The following MPV17L variants were observed in gnomAD, a reference collection of about 807,000 sequenced individuals.
The protein encoded by MPV17L is MPV17 mitochondrial inner membrane protein like.
A neutral mutation model predicts 25.8 loss-of-function variants in MPV17L; 24 were observed. The observed-to-expected ratio is 0.93, with a 90% CI of 0.67 to 1.31. The LOEUF is 1.31. MPV17L is among the 50% of genes most tolerant of loss of function. The pLI, the probability that MPV17L is intolerant of heterozygous loss-of-function variation, is 0.00. For synonymous variants in MPV17L, 102 were observed against 115.3 expected, an observed-to-expected ratio of 0.88 and a Z score of 0.74; for missense variants, 250 against 265.6, an observed-to-expected ratio of 0.94 and a Z score of 0.41.
rs185583699 is a variant in MPV17L at position 15,402,908 on chromosome 16, T to C, written c.381+2051T>C. On this transcript the variant is annotated intron_variant, in intron 2 of 3. Transcript: ENST00000396385. ...GTTGGCCAGGTTGGTCTTGAACTCC[T>C]GACCTCAGGTGATCCGCCTCCCTCA... is the stretch of plus-strand genomic sequence containing the variant. 4.2e-4 allele frequency among the ~76,000 whole-genome samples: 64 copies of C among 152,232 alleles called. No individual in the cohort carries two copies. The East Asian group carries it at 7.9e-3, about 19-fold the overall frequency.
At chr16:15,405,045 C>T (rs1206432141) in intron 2 of MPV17L, among the ~76,000 whole-genome samples, 2 of 152,112 alleles carry the variant, frequency 1.3e-5, no homozygotes, top group African/African-American at 4.8e-5. Flanking sequence ...TTCTCCTTTA[C>T]TTCTTTCTTA....
intron 1 of MPV17L, chr16:15,399,304 C>A (rs1016964524): frequency 2.4e-6 from 1 of 411,664 alleles, no homozygotes; most frequent in Non-Finnish European, 4.8e-6. Flanking sequence ...ATATTCCCTC[C>A]CTCCTAATCA....
Position 15,413,056 on chromosome 16 carries a change from T to C in MPV17L, c.*4944T>C, listed in dbSNP as rs2050748804. ...AAATGTTATGTGAATTTCTACAGAA[T>C]GTTTGCTAGAATGAATTATATCTAG... On this transcript the variant is annotated 3_prime_UTR_variant, in exon 4 of 4. Transcript: ENST00000396385. The C allele has an allele frequency of 6.6e-6, 1 of 152,216 alleles. No individual in the cohort carries two copies. Among genetic ancestry groups the C allele is most frequent in the Non-Finnish European group, 1.5e-5 (1 of 68,042 alleles). The allele number at this position is 152,216 out of a possible 1,614,324, so 9.4% of individuals were successfully genotyped here.
chr16:15,398,590 CT>C (rs397742667), intron 1 of MPV17L, among the ~76,000 whole-genome samples: 120 of 137,016 alleles, frequency 8.8e-4, no homozygotes, highest in African/African-American at 1.5e-3. Context: ...TTCTTTCTTT[CT>C]TTTTTTTTTT....
At position 15,409,081 on chromosome 16, in the gene MPV17L, T is replaced by TC. The variant is rs2150909046; in HGVS notation, c.*969_*970insC. On this transcript the variant is annotated 3_prime_UTR_variant, in exon 4 of 4. Coordinates refer to ENST00000396385, the MANE Select transcript of MPV17L (RefSeq NM_001128423.2). ...CAGGCGTGAGCCACCACAACCGACT[T>TC]TTTTTTTTTTTTTTTTTTGAGACAG... 9.1e-6 allele frequency: 1 copy of TC among 110,250 alleles called. No individual in the cohort carries two copies. Among genetic ancestry groups the TC allele is most frequent in the Admixed American group, 8.2e-5 (1 of 12,224 alleles). The allele number at this position is 110,250 out of a possible 1,614,324, so 6.8% of individuals were successfully genotyped here.
At chr16:15,404,457 A>T (rs1281434963) in intron 2 of MPV17L, among the ~76,000 whole-genome samples, 1 of 152,172 alleles carries the variant, frequency 6.6e-6, no homozygotes, top group Non-Finnish European at 1.5e-5. Context: ...ACACTTTGGG[A>T]GGCTGAAGCA....
chr16:15,406,351 C>T (rs145643178), intron 2 of MPV17L, among the ~76,000 whole-genome samples: 1,825 of 151,870 alleles, frequency 0.012, 35 homozygotes, highest in African/African-American at 0.042. Flanking sequence ...TCAGAAAATA[C>T]AAATTAGTAA....
At chr16:15,404,161 G>A (rs1298779474) in intron 2 of MPV17L, among the ~76,000 whole-genome samples, 1 of 152,138 alleles carries the variant, frequency 6.6e-6, no homozygotes, top group Non-Finnish European at 1.5e-5. Flanking sequence ...CTGGGGGACA[G>A]GTCATTCCAG....
chr16:15,395,925 C>T lies in MPV17L; in HGVS notation c.28C>T (p.Arg10Cys). 5 of 1,434,194 alleles carry T rather than the reference C, an allele frequency of 3.5e-6. No homozygotes were observed. Among genetic ancestry groups the T allele is most frequent in the Non-Finnish European group, 3.6e-6 (4 of 1,105,004 alleles). The allele number at this position is 1,434,194 out of a possible 1,614,324, so 88.8% of individuals were successfully genotyped here. ...GGCGGGCTGGTGGCCGGCGTTGTCG[C>T]GCGCGGCCCGGCGCCACCCGTGGCC... Reference protein sequence around the residue: MAGWWPALSRAARRHPWPTN... With the variant: MAGWWPALSCAARRHPWPTN... The change falls in exon 1 of 4, where the codon CGC (arginine) becomes TGC (cysteine). Residue 10 changes from arginine (R) to cysteine (C), a missense_variant. Coordinates refer to ENST00000396385, the MANE Select transcript of MPV17L (RefSeq NM_001128423.2).
intron 2 of MPV17L, among the ~76,000 whole-genome samples, chr16:15,401,765 C>T (rs1021827974): frequency 1.3e-5 from 2 of 151,772 alleles, no homozygotes; most frequent in Non-Finnish European, 2.9e-5. Flanking sequence ...TGCAGTGAGC[C>T]GAGATCGCAC....
intron 2 of MPV17L, among the ~76,000 whole-genome samples, chr16:15,404,701 A>C (rs1446410614): frequency 6.6e-6 from 1 of 152,142 alleles, no homozygotes; most frequent in Non-Finnish European, 1.5e-5. Context: ...GAGTGCCTGT[A>C]ATCCCAGCTA....
chr16:15,404,345 G>A (rs1390276963), intron 2 of MPV17L, among the ~76,000 whole-genome samples: 2 of 152,090 alleles, frequency 1.3e-5, no homozygotes, highest in African/African-American at 4.8e-5. Flanking sequence ...TCACAGTTAG[G>A]TAATGGCAGC....
At chr16:15,403,390 A>G (rs2050655500) in intron 2 of MPV17L, among the ~76,000 whole-genome samples, 1 of 135,978 alleles carries the variant, frequency 7.4e-6, no homozygotes, top group African/African-American at 2.6e-5. Context: ...AAAAAAAAAG[A>G]GCAAGAAGTA....
rs1438349023 is a variant in MPV17L, at chr16:15,409,063, G to A, written c.*951G>A. 1 of 142,544 alleles carries A rather than the reference G, an allele frequency of 7.0e-6. No homozygotes were observed. The highest frequency in any genetic ancestry group is 2.6e-5 in the African/African-American group (1 of 38,338). 8.8% of individuals were successfully genotyped at this position (142,544 alleles called of 1,614,324 possible). On this transcript the variant is annotated 3_prime_UTR_variant, in exon 4 of 4. Transcript: ENST00000396385. ...CCCAAAGTGCTGGGATTACAGGCGT[G>A]AGCCACCACAACCGACTTTTTTTTT... is the stretch of plus-strand genomic sequence containing the variant.
Position 15,409,599 on chromosome 16 carries a change from T to TAA in MPV17L, c.*1488_*1489dup. ...CACCTATCCCCAAACCTGTAAGAAC[T>TAA]AATGATAATCCACCACCCTTTGCTG... On this transcript the variant is annotated 3_prime_UTR_variant, in exon 4 of 4. Coordinates refer to ENST00000396385, the MANE Select transcript of MPV17L (RefSeq NM_001128423.2). 6.6e-6 allele frequency: 1 copy of TAA among 152,270 alleles called. No individual in the cohort carries two copies. Among genetic ancestry groups the TAA allele is most frequent in the South Asian group, 2.1e-4 (1 of 4,820 alleles). 9.4% of individuals were successfully genotyped at this position (152,270 alleles called of 1,614,324 possible). A position where few individuals can be genotyped will look rare whatever the true frequency, so the allele number is the denominator to read the frequency against.
intron 2 of MPV17L, among the ~76,000 whole-genome samples, chr16:15,404,783 C>T (rs1230740254): frequency 2.0e-5 from 3 of 152,128 alleles, no homozygotes; most frequent in Non-Finnish European, 4.4e-5. Context: ...GATTGCACCA[C>T]TGCACTCCAG....
At chr16:15,403,583 AG>A (rs1192182356) in intron 2 of MPV17L, among the ~76,000 whole-genome samples, 5 of 151,148 alleles carry the variant, frequency 3.3e-5, no homozygotes, top group Non-Finnish European at 5.9e-5. Context: ...CTGAGATGGG[AG>A]GATTGCAAGC....
chr16:15,396,677 C>G (rs766529514), intron 1 of MPV17L, among the ~76,000 whole-genome samples: 1 of 151,956 alleles, frequency 6.6e-6, no homozygotes, highest in African/African-American at 2.4e-5. Flanking sequence ...AGAAAATCCA[C>G]GCCTGGGGCC....
intron 2 of MPV17L, 115 bp from the exon 3 acceptor site, chr16:15,407,709 T>G (rs745894143): frequency 8.0e-6 from 8 of 998,676 alleles, no homozygotes; most frequent in Non-Finnish European, 1.2e-5. Flanking sequence ...ACCACTGCAC[T>G]CCAGTCTGGG....
Sources: gnomAD v4.1 joint callset for allele counts (sites outside exome capture counted in the v4.1 genomes callset) on GRCh38, gnomAD v4.1.1 for gene constraint, MANE v1.5 for transcripts, NCBI Gene and HGNC (gene_info 2026-07-23, HGNC 2026-07-21) for gene names.